RNF217: variants seen among roughly 807,000 people sequenced by gnomAD.
RNF217 encodes E3 ubiquitin-protein ligase RNF217.
Under a neutral mutation model 57.8 loss-of-function variants are expected in RNF217, and 31 were observed. The ratio of observed to expected loss-of-function variants is 0.54; its 90% confidence interval spans 0.40 to 0.72. RNF217 has a LOEUF of 0.72. RNF217 is among the 30% of genes least tolerant of loss of function. RNF217 has a pLI of 0.00. For missense variants in RNF217, 696 were observed against 708.3 expected (o/e 0.98, Z 0.20); for synonymous variants, 313 against 294.0 (o/e 1.06, Z -0.66).
chr6:125,088,672 A>T lies in RNF217; in HGVS notation c.*5735A>T, dbSNP rs771786497. 1.4e-4 allele frequency: 21 copies of T among 152,188 alleles called. No homozygotes were observed. The highest frequency in any genetic ancestry group is 2.9e-4 in the Non-Finnish European group (20 of 67,992). The allele number at this position is 152,188 out of a possible 1,614,324, so 9.4% of individuals were successfully genotyped here. A position where few individuals can be genotyped will look rare whatever the true frequency, so the allele number is the denominator to read the frequency against. ...AACAGTATGAATGTAAAAGGCAATAATTTTTTTTAAATACACAAAACATTG... is the reference window on the plus strand; with the variant it reads ...AACAGTATGAATGTAAAAGGCAATATTTTTTTTTAAATACACAAAACATTG... On this transcript the variant is annotated 3_prime_UTR_variant, in exon 6 of 6. Transcript: ENST00000521654.
rs1216230751 is a variant in RNF217, at chr6:124,962,994, G to T, written c.450G>T (p.Leu150=). 1 of 1,596,692 alleles carries T rather than the reference G, an allele frequency of 6.3e-7. No individual in the cohort carries two copies. Reference sequence around the variant, plus strand: ...CCGACGGACTGGTCCTGGACGTGCTGGGTCAGCGGCGCCCGTCCCTCGCCA... The same window carrying T: ...CCGACGGACTGGTCCTGGACGTGCTTGGTCAGCGGCGCCCGTCCCTCGCCA... ...GAADGLVLDV[L]GQRRPSLAKR... The change falls in exon 1 of 6, where the codon CTG becomes CTT. Residue 150 remains leucine (L), a synonymous_variant. Coordinates refer to ENST00000521654, the MANE Select transcript of RNF217 (RefSeq NM_001286398.3). This position sits in a 1 kb window ranked among gnomAD's most constrained non-coding sequence, Gnocchi z 4.6.
intron 1 of RNF217, among the ~76,000 whole-genome samples, chr6:124,993,804 G>A (rs191340494): frequency 9.8e-4 from 149 of 152,280 alleles, no homozygotes; most frequent in African/African-American, 3.2e-3. Flanking sequence ...AAGGGGCTGC[G>A]TAAAGAGTGT....
At chr6:124,994,293 A>G (rs367986091) in intron 1 of RNF217, among the ~76,000 whole-genome samples, 11 of 152,142 alleles carry the variant, frequency 7.2e-5, no homozygotes, top group African/African-American at 2.6e-4. Context: ...ATTCCCACTC[A>G]CTTCCCCTTC....
intron 1 of RNF217, among the ~76,000 whole-genome samples, chr6:125,034,366 T>G (rs1786506551): frequency 1.3e-5 from 2 of 152,204 alleles, no homozygotes; most frequent in South Asian, 4.1e-4. Context: ...TTGAATTAAT[T>G]TTTGTATAAG....
intron 1 of RNF217, among the ~76,000 whole-genome samples, chr6:125,019,621 C>T (rs1785747510): frequency 1.3e-5 from 2 of 152,074 alleles, no homozygotes; most frequent in African/African-American, 4.8e-5. Context: ...GAATTATAAA[C>T]CTCTCCAAAG....
chr6:125,071,530 G>A (rs62433882), intron 3 of RNF217, among the ~76,000 whole-genome samples: 60,250 of 130,150 alleles, frequency 0.46, 13,087 homozygotes, highest in Middle Eastern at 0.54. Context: ...GTGTGTGTGT[G>A]TGTGTGTATA....
chr6:124,974,789 A>G (rs1783899032), intron 1 of RNF217, among the ~76,000 whole-genome samples: 1 of 152,154 alleles, frequency 6.6e-6, no homozygotes, highest in South Asian at 2.1e-4. Context: ...ATTGGCCTAC[A>G]GTTTGTTTGT....
In RNF217 at chr6:125,084,191, A is replaced by G. The variant is rs1788699313; in HGVS notation, c.*1254A>G. On this transcript the variant is annotated 3_prime_UTR_variant, in exon 6 of 6. Transcript: ENST00000521654. ...TTACATTTAACTGCTCAAACATAAT[A>G]TTTTTGGGGACACCTTCTTATGGAG... The G allele has an allele frequency of 6.6e-6, 1 of 151,948 alleles. No individual in the cohort carries two copies. Among genetic ancestry groups the G allele is most frequent in the African/African-American group, 2.4e-5 (1 of 41,410 alleles). 9.4% of individuals were successfully genotyped at this position (151,948 alleles called of 1,614,324 possible).
rs1455574586 is a variant in RNF217 at position 125,088,621 on chromosome 6, G to A, written c.*5684G>A. 6 of 151,954 alleles carry A rather than the reference G, an allele frequency of 3.9e-5. No homozygotes were observed. Among genetic ancestry groups the A allele is most frequent in the African/African-American group, 1.4e-4 (6 of 41,380 alleles). 9.4% of individuals were successfully genotyped at this position (151,954 alleles called of 1,614,324 possible). On this transcript the variant is annotated 3_prime_UTR_variant, in exon 6 of 6. Transcript: ENST00000521654. ...TGTTACAAACTATATATATCTTTTTGGCTAGAGAAGTGACTATTTTAGAAT... is the reference window on the plus strand; with the variant it reads ...TGTTACAAACTATATATATCTTTTTAGCTAGAGAAGTGACTATTTTAGAAT...
chr6:125,005,672 A>T (rs1785152936), intron 1 of RNF217, among the ~76,000 whole-genome samples: 1 of 152,220 alleles, frequency 6.6e-6, no homozygotes, highest in African/African-American at 2.4e-5. Flanking sequence ...AATCTTTAAG[A>T]TATAATGCTA....
chr6:125,037,181 A>T (rs191123721), intron 1 of RNF217, among the ~76,000 whole-genome samples: 23 of 151,660 alleles, frequency 1.5e-4, no homozygotes, highest in Admixed American at 1.5e-3. Context: ...TCCTTGTGCC[A>T]CTGTCACACT....
At chr6:125,018,568 C>G (rs988944434) in intron 1 of RNF217, among the ~76,000 whole-genome samples, 1 of 151,892 alleles carries the variant, frequency 6.6e-6, no homozygotes, top group Non-Finnish European at 1.5e-5. Flanking sequence ...AACCAGAAAT[C>G]AGATTTATTT....
At chr6:125,049,033 A>G (rs1787207072) in intron 2 of RNF217, among the ~76,000 whole-genome samples, 1 of 152,034 alleles carries the variant, frequency 6.6e-6, no homozygotes, top group African/African-American at 2.4e-5. Context: ...AACTCTTGTC[A>G]TGATGCCAGA....
Position 125,083,623 on chromosome 6 carries a change from A to G in RNF217, c.*686A>G, listed in dbSNP as rs1788682404. On this transcript the variant is annotated 3_prime_UTR_variant, in exon 6 of 6. Transcript: ENST00000521654. ...TACTTACCCAGTTCCATGCCGCTAC[A>G]CTATTTTTCCACATTTTCATAGACC... 1 of 152,086 alleles carries G rather than the reference A, an allele frequency of 6.6e-6. No individual in the cohort carries two copies. Among genetic ancestry groups the G allele is most frequent in the Admixed American group, 6.6e-5 (1 of 15,226 alleles). 9.4% of individuals were successfully genotyped at this position (152,086 alleles called of 1,614,324 possible).
intron 2 of RNF217, 133 bp from the exon 3 acceptor site, chr6:125,057,809 G>GT: frequency 1.5e-6 from 1 of 649,014 alleles, no homozygotes; most frequent in Non-Finnish European, 2.5e-6. Context: ...TCTTCCTGTA[G>GT]TTTGAGTCTT....
At chr6:124,975,697 G>A (rs1033142101) in intron 1 of RNF217, among the ~76,000 whole-genome samples, 18 of 151,756 alleles carry the variant, frequency 1.2e-4, no homozygotes, top group Non-Finnish European at 1.6e-4. Flanking sequence ...TGGGCCTCCC[G>A]AAGTGCTGGG....
chr6:124,976,825 C>G (rs1034496254), intron 1 of RNF217, among the ~76,000 whole-genome samples: 10 of 152,268 alleles, frequency 6.6e-5, no homozygotes, highest in Middle Eastern at 3.4e-3. Context: ...CTTAAATCAA[C>G]CAGAATAGAT....
chr6:125,037,311 G>A (rs773985692), intron 1 of RNF217, among the ~76,000 whole-genome samples: 2 of 152,128 alleles, frequency 1.3e-5, no homozygotes, highest in Non-Finnish European at 2.9e-5. Flanking sequence ...TACCAGAAAC[G>A]GAGTAGCTTT....
At chr6:125,052,307 T>G (rs1213700352) in intron 2 of RNF217, among the ~76,000 whole-genome samples, 5 of 142,788 alleles carry the variant, frequency 3.5e-5, no homozygotes, top group African/African-American at 1.5e-4. Flanking sequence ...TGTGTGTGTG[T>G]GTGTGTGTGT....
Sources: gnomAD v4.1 joint callset for allele counts (sites outside exome capture counted in the v4.1 genomes callset) on GRCh38, gnomAD v4.1.1 for gene constraint, Gnocchi (gnomAD v3.1) non-coding constraint, MANE v1.5 for transcripts, NCBI Gene and HGNC (gene_info 2026-07-23, HGNC 2026-07-21) for gene names.